SMCO4: variants seen among roughly 807,000 people sequenced by gnomAD.
The protein encoded by SMCO4 is single-pass membrane protein with coiled-coil domains 4.
SMCO4 carries 4 observed loss-of-function variants against 3.6 expected under a neutral mutation model. The observed-to-expected ratio is 1.11, with a 90% confidence interval of 0.54 to 2.53. The LOEUF is 2.53. SMCO4 is among the 30% of genes most tolerant of loss of function. The pLI is 0.02. For missense variants in SMCO4, 70 were observed against 80.8 expected (o/e 0.87, Z 0.51); for synonymous variants, 36 against 35.3 (o/e 1.02, Z -0.07).
Position 93,531,318 on chromosome 11 carries a change from AGCCT to A in SMCO4, c.-154+11954_-154+11957del, listed in dbSNP as rs1453464601. On this transcript the variant is annotated intron_variant, in intron 1 of 2. Transcript: ENST00000298966. ...AGAAACTGGCTCTTCCTGGGTCTCA[AGCCT>A]GCTGGCTTTTGGACTAGAACTTACA... Among the ~76,000 whole-genome samples the A allele has an allele frequency of 2.0e-5, 3 of 152,310 alleles. No homozygotes were observed. The East Asian group carries it at 5.8e-4, about 29-fold the overall frequency.
At chr11:93,515,317 A>C (rs2658767) in intron 1 of SMCO4, among the ~76,000 whole-genome samples, 49,931 of 152,068 alleles carry the variant, frequency 0.33, 8,584 homozygotes, top group East Asian at 0.56. Context: ...ACAGGTAGTT[A>C]GTAAAATAAT....
chr11:93,546,726 T>G (rs556217766), upstream of SMCO4, among the ~76,000 whole-genome samples: 19 of 152,236 alleles, frequency 1.2e-4, no homozygotes, highest in Non-Finnish European at 2.5e-4. Flanking sequence ...ATTTAAAATA[T>G]TCTTCCCATG....
intron 1 of SMCO4, among the ~76,000 whole-genome samples, 184 bp downstream of exon 1, chr11:93,543,092 C>A (rs1412797963): frequency 6.6e-6 from 1 of 151,652 alleles, no homozygotes; most frequent in Non-Finnish European, 1.5e-5. Context: ...GCACGAGTTG[C>A]GCTCGGGACC....
chr11:93,508,487 G>C (rs1039808300), intron 1 of SMCO4, among the ~76,000 whole-genome samples: 1 of 152,198 alleles, frequency 6.6e-6, no homozygotes, highest in Non-Finnish European at 1.5e-5. Flanking sequence ...AGAGCAGGAA[G>C]AGAAGAATAT....
the SMCO4 span, among the ~76,000 whole-genome samples, chr11:93,552,540 C>T: frequency 1.3e-4 from 20 of 151,008 alleles, no homozygotes; most frequent in African/African-American, 4.9e-5. Context: ...GGCGTGATCT[C>T]GGCTCACTGC....
chr11:93,487,034 A>G (rs1174778412), intron 2 of SMCO4, among the ~76,000 whole-genome samples: 1 of 152,182 alleles, frequency 6.6e-6, no homozygotes, highest in Non-Finnish European at 1.5e-5. Context: ...TTATTACAAT[A>G]TGAGGCATTA....
chr11:93,540,147 A>G (rs1949260283), intron 1 of SMCO4, among the ~76,000 whole-genome samples: 1 of 152,160 alleles, frequency 6.6e-6, no homozygotes, highest in Non-Finnish European at 1.5e-5. Flanking sequence ...CAAAAAGGCT[A>G]GAAGAATCAT....
chr11:93,480,768 T>A (rs1948582803), intron 2 of SMCO4, among the ~76,000 whole-genome samples: 1 of 152,182 alleles, frequency 6.6e-6, no homozygotes, highest in Admixed American at 6.5e-5. Context: ...GGTGGTAGAA[T>A]GTGAACTCAG....
chr11:93,515,330 C>G (rs938449165), intron 1 of SMCO4, among the ~76,000 whole-genome samples: 1 of 152,170 alleles, frequency 6.6e-6, no homozygotes, highest in Non-Finnish European at 1.5e-5. Flanking sequence ...AAAATAATCA[C>G]AAAATGCTAA....
intron 1 of SMCO4, among the ~76,000 whole-genome samples, chr11:93,532,859 T>C (rs1374638615): frequency 1.2e-5 from 1 of 82,576 alleles, no homozygotes; most frequent in Non-Finnish European, 2.5e-5. Context: ...GGGAACCTAA[T>C]AAACATGTCG....
chr11:93,513,825 G>A (rs935020467), intron 1 of SMCO4, among the ~76,000 whole-genome samples: 1 of 152,214 alleles, frequency 6.6e-6, no homozygotes, highest in African/African-American at 2.4e-5. Flanking sequence ...GCTCCGTGAG[G>A]GGGACAGCCT....
At chr11:93,527,205 T>C (rs1437610863) in intron 1 of SMCO4, among the ~76,000 whole-genome samples, 1 of 152,076 alleles carries the variant, frequency 6.6e-6, no homozygotes, top group Non-Finnish European at 1.5e-5. Flanking sequence ...TGTCAAATGG[T>C]GGGCAGAGGC....
chr11:93,487,105 G>A (rs988892896), intron 2 of SMCO4, among the ~76,000 whole-genome samples: 11 of 152,142 alleles, frequency 7.2e-5, no homozygotes, highest in African/African-American at 2.7e-4. Context: ...CTGGGTTCAG[G>A]GAGACATAAA....
intron 2 of SMCO4, among the ~76,000 whole-genome samples, chr11:93,484,299 T>A (rs1251916483): frequency 6.6e-6 from 1 of 152,242 alleles, no homozygotes; most frequent in Non-Finnish European, 1.5e-5. Flanking sequence ...CCTACTTATG[T>A]ATATAGATAT....
intron 2 of SMCO4, among the ~76,000 whole-genome samples, chr11:93,481,269 T>A (rs1257523758): frequency 6.6e-6 from 1 of 152,252 alleles, no homozygotes; most frequent in Non-Finnish European, 1.5e-5. Context: ...AAAGGATGAC[T>A]GTGAGAATCT....
chr11:93,531,506 CT>C lies in SMCO4; in HGVS notation c.-154+11769del. ...ACTGCAGCTCTTAGGACTTCTTAAC[CT>C]TCATAAACATGTGAGCCAACACCTT... On this transcript the variant is annotated intron_variant, in intron 1 of 2. Coordinates refer to ENST00000298966, the MANE Select transcript of SMCO4 (RefSeq NM_020179.3). Among the ~76,000 whole-genome samples the C allele has an allele frequency of 3.9e-5, 6 of 152,302 alleles. No individual in the cohort carries two copies. The East Asian group carries it at 1.2e-3, about 29-fold the overall frequency.
intron 1 of SMCO4, among the ~76,000 whole-genome samples, chr11:93,528,929 G>A (rs1426761111): frequency 2.0e-5 from 3 of 152,252 alleles, no homozygotes; most frequent in South Asian, 2.1e-4. Flanking sequence ...CAACAAGTAC[G>A]TATTTACTAG....
chr11:93,479,970 C>T (rs1480427176), intron 2 of SMCO4, among the ~76,000 whole-genome samples: 1 of 152,170 alleles, frequency 6.6e-6, no homozygotes, highest in Non-Finnish European at 1.5e-5. Flanking sequence ...CACAGTCCTG[C>T]CACCCACTCA....
At chr11:93,493,275 A>G (rs765665582) in intron 2 of SMCO4, among the ~76,000 whole-genome samples, 1 of 152,070 alleles carries the variant, frequency 6.6e-6, no homozygotes, top group Non-Finnish European at 1.5e-5. Flanking sequence ...TCTTAGGTCC[A>G]CTCAGGCCAC....
Sources: allele counts gnomAD v4.1 joint callset (sites outside exome capture counted in the v4.1 genomes callset), GRCh38; gene constraint gnomAD v4.1.1; transcripts MANE v1.5; gene names NCBI Gene and HGNC (gene_info 2026-07-23, HGNC 2026-07-21).